The following NBEAL1 variants were observed in gnomAD, a reference collection of about 807,000 sequenced individuals.
NBEAL1 encodes the protein neurobeachin like 1.
Under a neutral mutation model 351.3 loss-of-function variants are expected in NBEAL1, and 273 were observed. The observed-to-expected ratio is 0.78, with a 90% CI of 0.70 to 0.86. The LOEUF (loss-of-function observed/expected upper bound fraction) is 0.86, where lower values mean the gene tolerates loss of function less well. Ranked by LOEUF, NBEAL1 falls within the 40% of genes least tolerant of loss-of-function variation. NBEAL1 has a pLI of 0.00. For missense variants in NBEAL1, 2,961 were observed against 3,201.3 expected (o/e 0.92, Z 1.81); for synonymous variants, 1,050 against 1,086.4 (o/e 0.97, Z 0.66).
chr2:203,188,898 T>C (rs2064990111), intron 45 of NBEAL1, among the ~76,000 whole-genome samples: 1 of 152,202 alleles, frequency 6.6e-6, no homozygotes, highest in African/African-American at 2.4e-5. Flanking sequence ...ACAAGGCCTT[T>C]GAAGTTACAA....
rs1375825661 is a variant in NBEAL1 at position 203,062,571 on chromosome 2, T to C, written c.515+5118T>C. 1 of 210,720 alleles carries C rather than the reference T, an allele frequency of 4.7e-6. No homozygotes were observed. Among genetic ancestry groups the C allele is most frequent in the Non-Finnish European group, 9.7e-6 (1 of 102,982 alleles). 13.1% of individuals were successfully genotyped at this position (210,720 alleles called of 1,614,324 possible). On this transcript the variant is annotated intron_variant, in intron 6 of 55. Transcript: ENST00000683969. This position sits in a 1 kb window ranked among gnomAD's most constrained non-coding sequence, Gnocchi z 4.2. ...GACCCAAAAAGAAGAAAATTTTATA[T>C]ACTATTAATATAATATAGGAAGATA...
chr2:203,024,336 T>C (rs1211554835), intron 2 of NBEAL1, among the ~76,000 whole-genome samples: 1 of 151,794 alleles, frequency 6.6e-6, no homozygotes, highest in African/African-American at 2.4e-5. Context: ...GGTGGGAGGA[T>C]CATTTGAGGT....
chr2:203,050,421 T>C (rs182773485), intron 4 of NBEAL1, among the ~76,000 whole-genome samples: 35 of 152,318 alleles, frequency 2.3e-4, no homozygotes, highest in Admixed American at 2.3e-3. Context: ...TTAGTTACTA[T>C]ACCTAGTTAT....
At chr2:203,141,512 C>T (rs1391535103) in intron 31 of NBEAL1, among the ~76,000 whole-genome samples, 1 of 149,294 alleles carries the variant, frequency 6.7e-6, no homozygotes, top group Non-Finnish European at 1.5e-5. Context: ...CCTCCCAAGT[C>T]GTTGGGGCTA....
In NBEAL1 at chr2:203,062,400, C is replaced by CCATGTTCCAGCTTCCAG. The variant is rs779501453; in HGVS notation, c.515+4952_515+4968dup. The CCATGTTCCAGCTTCCAG allele has an allele frequency of 1.9e-4, 84 of 439,800 alleles. No individual in the cohort carries two copies. In the East Asian group the frequency reaches 4.9e-3, roughly 26 times the overall value. The allele number at this position is 439,800 out of a possible 1,614,324, so 27.2% of individuals were successfully genotyped here. On this transcript the variant is annotated intron_variant, in intron 6 of 55. Coordinates refer to ENST00000683969, the MANE Select transcript of NBEAL1 (RefSeq NM_001378026.1). The surrounding 1 kb of genome is among the most constrained non-coding windows in gnomAD (Gnocchi z 4.2). The stretch of plus-strand genomic sequence containing the variant: ...GCCACATCCTCAAAAGTCACTGAGT[C>CCATGTTCCAGCTTCCAG]CATGTTCCAGCTTCCAGCATGCTCC...
At chr2:203,139,865 C>T (rs2063323583) in intron 31 of NBEAL1, among the ~76,000 whole-genome samples, 1 of 151,880 alleles carries the variant, frequency 6.6e-6, no homozygotes, top group Non-Finnish European at 1.5e-5. Context: ...TGCCCCCGGT[C>T]ACTCTATTTT....
intron 42 of NBEAL1, among the ~76,000 whole-genome samples, chr2:203,179,817 C>A (rs911198341): frequency 1.3e-5 from 2 of 151,780 alleles, no homozygotes; most frequent in African/African-American, 4.8e-5. Context: ...CTTGCTCTGT[C>A]GGCCAGGCTG....
In NBEAL1 at chr2:203,133,108, A is replaced by G. The variant is rs2063111762; in HGVS notation, c.3775A>G (p.Arg1259Gly). The part of the protein sequence containing the change: ...DLLSVVYISH[R>G]AHINVRVAIC... Reference sequence around the variant, plus strand: ...ACTATCTGTGGTATATATATCTCACAGAGCACATATAAATGTTAGAGTGGC... The same window carrying G: ...ACTATCTGTGGTATATATATCTCACGGAGCACATATAAATGTTAGAGTGGC... Residue 1259 changes from arginine (R) to glycine (G), a missense_variant, in exon 27 of 56, where the codon AGA becomes GGA. Transcript: ENST00000683969. 10 of 1,517,734 alleles carry G rather than the reference A, an allele frequency of 6.6e-6. No individual in the cohort carries two copies. The East Asian group carries it at 2.5e-4, about 38-fold the overall frequency. 94.0% of individuals were successfully genotyped at this position (1,517,734 alleles called of 1,614,324 possible). A position where few individuals can be genotyped will look rare whatever the true frequency, so the allele number is the denominator to read the frequency against.
chr2:203,018,322 A>AT (rs1176873341), intron 2 of NBEAL1, among the ~76,000 whole-genome samples: 3 of 149,818 alleles, frequency 2.0e-5, no homozygotes, highest in African/African-American at 7.4e-5. Context: ...GAGGACTCAG[A>AT]TCTTCTTATG....
intron 31 of NBEAL1, among the ~76,000 whole-genome samples, chr2:203,139,330 A>T (rs1417101081): frequency 6.6e-6 from 1 of 152,024 alleles, no homozygotes; most frequent in Non-Finnish European, 1.5e-5. Flanking sequence ...TTAGTCTCTC[A>T]CTTTTCTAGT....
At chr2:203,075,061 AGCCCTGCCT>A (rs1559348034) in intron 7 of NBEAL1, 1 of 152,190 alleles carries the variant, frequency 6.6e-6, no homozygotes, top group Non-Finnish European at 1.5e-5. Context: ...GATGCCTTTT[AGCCCTGCCT>A]GCTTGGCCTT....
At chr2:203,187,693 A>G (rs1050874926) in intron 44 of NBEAL1, among the ~76,000 whole-genome samples, 9 of 151,894 alleles carry the variant, frequency 5.9e-5, no homozygotes, top group Non-Finnish European at 1.0e-4. Flanking sequence ...CAGTGAGCCA[A>G]GATCGTGCCA....
chr2:203,022,448 A>G (rs2060787735), intron 2 of NBEAL1, among the ~76,000 whole-genome samples: 1 of 152,148 alleles, frequency 6.6e-6, no homozygotes, highest in African/African-American at 2.4e-5. Context: ...AAGCTGCAGT[A>G]TTAGAGGTGA....
intron 2 of NBEAL1, among the ~76,000 whole-genome samples, chr2:203,035,438 C>T (rs1444126121): frequency 2.0e-5 from 3 of 149,116 alleles, no homozygotes; most frequent in Non-Finnish European, 3.0e-5. Context: ...GCAGATGGGA[C>T]GATTGGATGA....
chr2:203,144,179 CCAACCCGGG>C (rs1410410653), intron 31 of NBEAL1, among the ~76,000 whole-genome samples: 4 of 149,156 alleles, frequency 2.7e-5, no homozygotes, highest in Non-Finnish European at 4.4e-5. Flanking sequence ...CCATTGCACC[CCAACCCGGG>C]CAACAGTGTG....
rs1436885025 is a variant in NBEAL1, at chr2:203,172,812, T to C, written c.6282T>C (p.Ile2094=). ...PAVFRDLSKP[I]GVVNEKNAKA... is the part of the protein sequence containing the mutation. The stretch of plus-strand genomic sequence containing the variant: ...TATTTCGAGATCTTTCCAAACCAAT[T>C]GGGGTAGTTAATGAAAAAAACGCCA... Residue 2094 remains isoleucine (I), a synonymous_variant, in exon 41 of 56, where the codon ATT becomes ATC. Coordinates refer to ENST00000683969, the MANE Select transcript of NBEAL1 (RefSeq NM_001378026.1). 8.7e-6 allele frequency: 14 copies of C among 1,611,344 alleles called. No individual in the cohort carries two copies. The highest frequency in any genetic ancestry group is 1.2e-5 in the Non-Finnish European group (14 of 1,178,660).
At chr2:203,162,546 C>T (rs2063998457) in intron 36 of NBEAL1, among the ~76,000 whole-genome samples, 1 of 151,626 alleles carries the variant, frequency 6.6e-6, no homozygotes, top group Non-Finnish European at 1.5e-5. Context: ...ATCTCCAGAC[C>T]AGCCTGGACA....
In NBEAL1 at chr2:203,169,811, G is replaced by C; in HGVS notation, c.6062G>C (p.Arg2021Thr). ...LHSPNSYYGS[R>T]SPQELFKASG... Reference sequence around the variant, plus strand: ...TCCCCAAATAGTTATTATGGAAGCAGATCACCACAGGAGTTATTCAAAGCA... The same window carrying C: ...TCCCCAAATAGTTATTATGGAAGCACATCACCACAGGAGTTATTCAAAGCA... The change falls in exon 39 of 56, where the codon AGA becomes ACA. Residue 2021 changes from arginine (R) to threonine (T), a missense_variant. Coordinates refer to ENST00000683969, the MANE Select transcript of NBEAL1 (RefSeq NM_001378026.1). 1 of 1,610,476 alleles carries C rather than the reference G, an allele frequency of 6.2e-7. No individual in the cohort carries two copies. Among genetic ancestry groups the C allele is most frequent in the Non-Finnish European group, 8.5e-7 (1 of 1,178,022 alleles).
chr2:203,190,128 T>C (rs1416888060), intron 45 of NBEAL1, among the ~76,000 whole-genome samples, 164 bp from the exon 46 acceptor site: 1 of 143,266 alleles, frequency 7.0e-6, no homozygotes, highest in African/African-American at 2.7e-5. Context: ...AGAGCAAGAC[T>C]CTGTCTCAAA....
Sources: gnomAD v4.1 joint callset for allele counts (sites outside exome capture counted in the v4.1 genomes callset) on GRCh38, gnomAD v4.1.1 for gene constraint, Gnocchi (gnomAD v3.1) non-coding constraint, MANE v1.5 for transcripts, NCBI Gene and HGNC (gene_info 2026-07-23, HGNC 2026-07-21) for gene names.